Variants in CAPN7 observed in about 807,000 individuals in gnomAD.
CAPN7 encodes calpain-7.
Under a neutral mutation model 115.2 loss-of-function variants are expected in CAPN7, and 72 were observed. The observed-to-expected ratio is 0.63, with a 90% CI of 0.52 to 0.76. CAPN7 has a LOEUF of 0.76. Among genes scored for constraint, CAPN7 ranks in the 30% least tolerant of loss-of-function variants. CAPN7 has a pLI of 0.00. For missense variants in CAPN7, 905 were observed against 971.5 expected (o/e 0.93, Z 0.91); for synonymous variants, 344 against 322.3 (o/e 1.07, Z -0.72).
In CAPN7 at chr3:15,229,079, T is replaced by A; in HGVS notation, c.938+20T>A. The A allele has an allele frequency of 4.5e-6, 7 of 1,556,378 alleles. No individual in the cohort carries two copies. Among genetic ancestry groups the A allele is most frequent in the Non-Finnish European group, 6.2e-6 (7 of 1,128,342 alleles). Reference sequence around the variant, plus strand: ...TACCGGGTAAAAATGTGTCTCTCTTTACCTCTTTTTGTGTAATTGTCCCTT... The same window carrying A: ...TACCGGGTAAAAATGTGTCTCTCTTAACCTCTTTTTGTGTAATTGTCCCTT... On this transcript the variant is annotated intron_variant, in intron 8 of 20. Transcript: ENST00000253693.
rs138189255 is a variant in CAPN7 at position 15,245,543 on chromosome 3, A to G, written c.1882A>G (p.Ile628Val). 4.3e-6 allele frequency: 7 copies of G among 1,613,624 alleles called. No individual in the cohort carries two copies. Among genetic ancestry groups the G allele is most frequent in the African/African-American group, 2.7e-5 (2 of 74,910 alleles). The stretch of plus-strand genomic sequence containing the variant: ...GTTTGCAGCTGACCCACCTCCATAC[A>G]TTGATGGAATTCGAATTAACAGCCC... Reference protein sequence around the residue: ...VYYPADPPPYIDGIRINSPHY... With the variant: ...VYYPADPPPYVDGIRINSPHY... Residue 628 changes from isoleucine (I) to valine (V), a missense_variant, in exon 17 of 21, where the codon ATT becomes GTT. Physicochemically the swap from Ile to Val is conservative, Grantham distance 29. Coordinates refer to ENST00000253693, the MANE Select transcript of CAPN7 (RefSeq NM_014296.3).
chr3:15,211,711 A>C (rs2044961679), intron 1 of CAPN7, among the ~76,000 whole-genome samples: 1 of 152,162 alleles, frequency 6.6e-6, no homozygotes, highest in Non-Finnish European at 1.5e-5. Flanking sequence ...CCTGGCCAAC[A>C]TGGCAGAACC....
chr3:15,221,862 G>T (rs1351346474), intron 5 of CAPN7, among the ~76,000 whole-genome samples: 1 of 151,882 alleles, frequency 6.6e-6, no homozygotes, highest in Non-Finnish European at 1.5e-5. Context: ...CCAGCTACTT[G>T]GGAGGATCAC....
At chr3:15,234,072 A>T (rs1211672931) in intron 11 of CAPN7, 99 bp downstream of exon 11, 3 of 621,528 alleles carry the variant, frequency 4.8e-6, no homozygotes, top group Non-Finnish European at 8.3e-6. Flanking sequence ...TCCCAGCACT[A>T]TGGGAGGCCA....
chr3:15,219,198 G>A (rs1167957901), intron 4 of CAPN7, among the ~76,000 whole-genome samples: 1 of 152,236 alleles, frequency 6.6e-6, no homozygotes, highest in African/African-American at 2.4e-5. Flanking sequence ...ACCCAGCAGA[G>A]TGCCTGACAT....
chr3:15,213,878 G>T (rs932245149), intron 2 of CAPN7, among the ~76,000 whole-genome samples: 7 of 145,762 alleles, frequency 4.8e-5, no homozygotes, highest in Non-Finnish European at 8.9e-5. Flanking sequence ...GTTCAAAAAG[G>T]ATTTTTTTTT....
At chr3:15,240,061 G>A (rs943497958) in intron 12 of CAPN7, among the ~76,000 whole-genome samples, 3 of 152,186 alleles carry the variant, frequency 2.0e-5, no homozygotes, top group African/African-American at 7.2e-5. Flanking sequence ...GCTTTGAAAA[G>A]GCAGAAAATA....
At chr3:15,210,435 G>A (rs1393788864) in intron 1 of CAPN7, among the ~76,000 whole-genome samples, 1 of 151,816 alleles carries the variant, frequency 6.6e-6, no homozygotes, top group Non-Finnish European at 1.5e-5. Context: ...GATAATGATG[G>A]TATGTAAGAT....
intron 16 of CAPN7, among the ~76,000 whole-genome samples, chr3:15,243,509 TAAC>T (rs1330007461): frequency 6.6e-6 from 1 of 152,074 alleles, no homozygotes; most frequent in East Asian, 1.9e-4. Context: ...GTACAGAGAT[TAAC>T]ACCCAGGATC....
chr3:15,241,671 A>G (rs1363187095), intron 15 of CAPN7, 83 bp downstream of exon 15: 1 of 1,177,682 alleles, frequency 8.5e-7, no homozygotes, highest in Admixed American at 2.3e-5. Flanking sequence ...CGTAAACACC[A>G]GCCTGTTTAA....
intron 10 of CAPN7, 28 bp downstream of exon 10, chr3:15,232,693 A>C (rs776030580): frequency 6.4e-7 from 1 of 1,570,190 alleles, no homozygotes; most frequent in Non-Finnish European, 8.6e-7. Flanking sequence ...CGATCCAGAC[A>C]CAGATTTAAG....
Position 15,240,574 on chromosome 3 carries a change from G to C in CAPN7, c.1509G>C (p.Lys503Asn). ...DVKNWTPELQKYLNFDPRTAQ... is the reference protein window; with the variant it reads ...DVKNWTPELQNYLNFDPRTAQ... ...AAAACTGGACTCCAGAGTTGCAAAAGTATTTAAACTTTGATCCCCGAACAG... is the reference window on the plus strand; with the variant it reads ...AAAACTGGACTCCAGAGTTGCAAAACTATTTAAACTTTGATCCCCGAACAG... Residue 503 changes from lysine to asparagine, a missense_variant, in exon 13 of 21, where the codon AAG (lysine) becomes AAC (asparagine). By Grantham distance (94) the Lys-to-Asn change is moderately conservative. Around this residue, in one of 3 missense-constraint regions of CAPN7, gnomAD observed 620 missense variants for 703.4 expected, o/e 0.88. Coordinates refer to ENST00000253693, the MANE Select transcript of CAPN7 (RefSeq NM_014296.3). The C allele has an allele frequency of 6.2e-7, 1 of 1,612,194 alleles. No individual in the cohort carries two copies. Among genetic ancestry groups the C allele is most frequent in the Non-Finnish European group, 8.5e-7 (1 of 1,179,506 alleles).
intron 14 of CAPN7, 36 bp downstream of exon 14, chr3:15,240,889 T>C: frequency 8.1e-7 from 1 of 1,237,772 alleles, no homozygotes; most frequent in South Asian, 1.2e-5. Context: ...TGCTTTATAA[T>C]AGCATCCACT....
chr3:15,240,613 C>CA lies in CAPN7; in HGVS notation c.1550dup (p.Asn517LysfsTer10). On this transcript the variant is annotated frameshift_variant, in exon 13 of 21. Coordinates refer to ENST00000253693, the MANE Select transcript of CAPN7 (RefSeq NM_014296.3). LOFTEE classifies it high-confidence loss of function. The stretch of plus-strand genomic sequence containing the variant: ...ATCCCCGAACAGCTCAGAAAATAGA[C>CA]AACGGTAAATATATCTTTTTAATTT... 6.3e-7 allele frequency: 1 copy of CA among 1,592,654 alleles called. No individual in the cohort carries two copies. Among genetic ancestry groups the CA allele is most frequent in the Non-Finnish European group, 8.5e-7 (1 of 1,174,034 alleles).
Position 15,206,411 on chromosome 3 carries a change from T to C in CAPN7, c.-85T>C. Reference sequence around the variant, plus strand: ...CTCCTTCCGCGGCGCTCCCGAGTCCTCGCCGCCGCCGGGCCGCCGCAGTCC... The same window carrying C: ...CTCCTTCCGCGGCGCTCCCGAGTCCCCGCCGCCGCCGGGCCGCCGCAGTCC... On this transcript the variant is annotated 5_prime_UTR_variant, in exon 1 of 21. Transcript: ENST00000253693. The C allele has an allele frequency of 9.4e-7, 1 of 1,058,232 alleles. No individual in the cohort carries two copies. The highest frequency in any genetic ancestry group is 1.4e-6 in the Non-Finnish European group (1 of 724,692). 65.6% of individuals were successfully genotyped at this position (1,058,232 alleles called of 1,614,324 possible). A position where few individuals can be genotyped will look rare whatever the true frequency, so the allele number is the denominator to read the frequency against.
chr3:15,217,372 T>C, intron 2 of CAPN7, 53 bp from the exon 3 acceptor site: 1 of 1,391,030 alleles, frequency 7.2e-7, no homozygotes. Context: ...ATAGTGTGTT[T>C]TCTGGCTGTA....
chr3:15,208,533 C>T (rs1453861351), intron 1 of CAPN7, among the ~76,000 whole-genome samples: 7 of 148,158 alleles, frequency 4.7e-5, no homozygotes, highest in East Asian at 2.0e-4. Context: ...CTGGGTCAAG[C>T]GATCTTCCTG....
At chr3:15,228,919 G>A in intron 7 of CAPN7, 55 bp from the exon 8 acceptor site, 10 of 1,308,408 alleles carry the variant, frequency 7.6e-6, no homozygotes, top group South Asian at 7.3e-5. Flanking sequence ...GTATATTGCG[G>A]TAATGTTGAA....
chr3:15,213,973 G>T (rs1211291465), intron 2 of CAPN7, among the ~76,000 whole-genome samples: 1 of 150,998 alleles, frequency 6.6e-6, no homozygotes, highest in Non-Finnish European at 1.5e-5. Context: ...TTCCGCCTCC[G>T]GGGTTCACGC....
Sources: allele counts gnomAD v4.1 joint callset (sites outside exome capture counted in the v4.1 genomes callset), GRCh38; gene constraint gnomAD v4.1.1; regional missense constraint gnomAD v4.1.1; transcripts MANE v1.5; gene names NCBI Gene and HGNC (gene_info 2026-07-23, HGNC 2026-07-21).